Variants in KCNN2 observed in about 807,000 individuals in gnomAD.
KCNN2 encodes potassium calcium-activated channel subfamily N member 2, also known as small conductance calcium-activated potassium channel protein 2.
Under a neutral mutation model 55.5 loss-of-function variants are expected in KCNN2, and 24 were observed. The observed-to-expected ratio is 0.43, with a 90% CI of 0.31 to 0.61. KCNN2 has a LOEUF of 0.61. Among genes scored for constraint, KCNN2 ranks in the 20% least tolerant of loss-of-function variants. The pLI is 0.08. For missense variants in KCNN2, 754 were observed against 853.6 expected (o/e 0.88, Z 1.45); for synonymous variants, 431 against 336.1 (o/e 1.28, Z -3.09).
At chr5:114,462,406 C>T (rs1761251380) in intron 3 of KCNN2, among the ~76,000 whole-genome samples, 1 of 152,104 alleles carries the variant, frequency 6.6e-6, no homozygotes, top group South Asian at 2.1e-4. Context: ...TGGTTATGGG[C>T]AGGGACTCTG....
chr5:114,428,302 C>T (rs1269701704), intron 3 of KCNN2, among the ~76,000 whole-genome samples: 1 of 152,022 alleles, frequency 6.6e-6, no homozygotes, highest in Admixed American at 6.5e-5. Flanking sequence ...ATAAAAATCC[C>T]TTAAAGGGAA....
intron 1 of KCNN2, 35 bp downstream of exon 1, chr5:114,363,296 T>A (rs1191249181): frequency 6.5e-7 from 1 of 1,540,902 alleles, no homozygotes. Flanking sequence ...GCTACCGGAG[T>A]CGGGCACTGG....
chr5:114,080,092 G>A (rs1750776796), intron 1 of KCNN2, among the ~76,000 whole-genome samples: 1 of 152,066 alleles, frequency 6.6e-6, no homozygotes, highest in South Asian at 2.1e-4. Context: ...TTAGTCCCTT[G>A]GAGCTTCTTT....
Position 114,183,727 on chromosome 5 carries a change from CT to C in KCNN2, c.-270-37742del, listed in dbSNP as rs954898156. Reference sequence around the variant, plus strand: ...TGATGTTGGTAATTGTTGTACTCTCCTTTTTTTTTTTCTTTTTAACTTGATC... The same window carrying C: ...TGATGTTGGTAATTGTTGTACTCTCCTTTTTTTTTTCTTTTTAACTTGATC... On this transcript the variant is annotated intron_variant, in intron 1 of 10. Transcript: ENST00000512097. 8.5e-3 allele frequency among the ~76,000 whole-genome samples: 1,219 copies of C among 143,552 alleles called. 11 individuals are homozygous for C. Among genetic ancestry groups the C allele is most frequent in the African/African-American group, 0.027 (1,052 of 39,500 alleles). 94.2% of individuals were successfully genotyped at this position (143,552 alleles called of 152,430 possible).
chr5:114,333,480 TATTTG>T (rs1554081977), intron 2 of KCNN2, among the ~76,000 whole-genome samples: 4 of 152,226 alleles, frequency 2.6e-5, no homozygotes, highest in Non-Finnish European at 5.9e-5. Flanking sequence ...AAGCAAAGTC[TATTTG>T]ATTTATCTGC....
At chr5:114,177,323 G>C (rs1303508687) in intron 1 of KCNN2, among the ~76,000 whole-genome samples, 1 of 151,972 alleles carries the variant, frequency 6.6e-6, no homozygotes, top group Admixed American at 6.6e-5. Flanking sequence ...ATTTTTAGTA[G>C]AGACGGGGTT....
At chr5:114,099,435 T>C (rs554856506) in intron 1 of KCNN2, among the ~76,000 whole-genome samples, 4 of 152,238 alleles carry the variant, frequency 2.6e-5, no homozygotes, top group Admixed American at 1.3e-4. Flanking sequence ...AGCAACTACA[T>C]TGAGGAAAAG....
chr5:114,177,478 T>A (rs907635940), intron 1 of KCNN2, among the ~76,000 whole-genome samples: 1 of 151,876 alleles, frequency 6.6e-6, no homozygotes, highest in African/African-American at 2.4e-5. Flanking sequence ...ACAAGTAAAT[T>A]TATATGTATT....
intron 5 of KCNN2, chr5:114,486,627 G>A: frequency 1.4e-6 from 1 of 699,422 alleles, no homozygotes; most frequent in Non-Finnish European, 2.1e-6. Context: ...GTAGTGCACA[G>A]CCAGAAATAC....
intron 3 of KCNN2, 68 bp from the exon 4 acceptor site, chr5:114,462,980 AC>A: frequency 6.8e-7 from 1 of 1,462,796 alleles, no homozygotes; most frequent in Non-Finnish European, 9.3e-7. Flanking sequence ...GTTGAATTGA[AC>A]CAAACCACAC....
chr5:114,328,791 C>A (rs914388288), intron 2 of KCNN2, among the ~76,000 whole-genome samples: 1 of 152,292 alleles, frequency 6.6e-6, no homozygotes, highest in Non-Finnish European at 1.5e-5. Context: ...GTTTAGGCAA[C>A]CCTGAATGAG....
intron 2 of KCNN2, among the ~76,000 whole-genome samples, chr5:114,355,664 C>T (rs1171841296): frequency 2.0e-5 from 3 of 152,102 alleles, no homozygotes; most frequent in East Asian, 1.9e-4. Flanking sequence ...GAGTAGGAGC[C>T]AAGGAACCAA....
intron 1 of KCNN2, among the ~76,000 whole-genome samples, chr5:114,199,101 T>C (rs975731895): frequency 6.6e-6 from 1 of 152,106 alleles, no homozygotes; most frequent in Non-Finnish European, 1.5e-5. Flanking sequence ...TGAATTTGGA[T>C]GCTTTGATAT....
intron 5 of KCNN2, chr5:114,486,726 G>T (rs1233133412): frequency 1.5e-6 from 2 of 1,292,630 alleles, no homozygotes; most frequent in Admixed American, 2.3e-5. Context: ...GACAACAATT[G>T]CAATACACGG....
chr5:114,493,757 C>T (rs368370698), intron 7 of KCNN2, among the ~76,000 whole-genome samples: 53 of 152,150 alleles, frequency 3.5e-4, no homozygotes, highest in Middle Eastern at 3.4e-3. Flanking sequence ...ACAATACATG[C>T]GGGATTTTTA....
intron 1 of KCNN2, among the ~76,000 whole-genome samples, chr5:114,058,083 C>T (rs752722687): frequency 6.6e-5 from 10 of 152,088 alleles, no homozygotes; most frequent in Non-Finnish European, 1.0e-4. Context: ...TTTACATGTT[C>T]GACAGAAGAC....
Position 114,234,706 on chromosome 5 carries a change from G to A in KCNN2, c.-185+13141G>A, listed in dbSNP as rs2112608051. On this transcript the variant is annotated intron_variant, in intron 2 of 10. Transcript: ENST00000512097. ...TGGAGAGTGGAGAAGAGGGGAGTGA[G>A]GCAGAGTAGCTAGTGACAGGATTCT... 2.6e-5 allele frequency among the ~76,000 whole-genome samples: 4 copies of A among 152,128 alleles called. No individual in the cohort carries two copies. The South Asian group carries it at 8.4e-4, about 32-fold the overall frequency.
intron 4 of KCNN2, among the ~76,000 whole-genome samples, chr5:114,470,198 C>T (rs1460393959): frequency 2.0e-5 from 3 of 152,162 alleles, no homozygotes; most frequent in African/African-American, 7.2e-5. Context: ...ATTTTCCACT[C>T]CTGTTAGGAT....
chr5:114,107,997 A>C (rs1751523196), intron 1 of KCNN2, among the ~76,000 whole-genome samples: 1 of 152,032 alleles, frequency 6.6e-6, no homozygotes, highest in Admixed American at 6.6e-5. Flanking sequence ...TTGTTTTTTA[A>C]CTTTGGTAGA....
Sources: gnomAD v4.1 joint callset for allele counts (sites outside exome capture counted in the v4.1 genomes callset) on GRCh38, gnomAD v4.1.1 for gene constraint, MANE v1.5 for transcripts, NCBI Gene and HGNC (gene_info 2026-07-23, HGNC 2026-07-21) for gene names.